Variants in FLYWCH2 observed in about 807,000 individuals in gnomAD.
The protein encoded by FLYWCH2 is FLYWCH family member 2.
A neutral mutation model predicts 6.0 loss-of-function variants in FLYWCH2; 2 were observed. The observed-to-expected ratio is 0.33, with a 90% confidence interval of 0.14 to 1.04. The LOEUF (loss-of-function observed/expected upper bound fraction) is 1.04, where lower values mean the gene tolerates loss of function less well. Among genes scored for constraint, FLYWCH2 ranks in the 50% least tolerant of loss-of-function variants. The probability of loss-of-function intolerance (pLI) is 0.45; values close to 1 mark genes in which losing one functional copy is unlikely to be tolerated. For missense variants in FLYWCH2, 192 were observed against 183.4 expected (o/e 1.05, Z -0.27); for synonymous variants, 87 against 79.3 (o/e 1.10, Z -0.52).
At chr16:2,883,517 G>A (rs1372063867) in intron 1 of FLYWCH2, among the ~76,000 whole-genome samples, 151 bp downstream of exon 1, 1 of 152,148 alleles carries the variant, frequency 6.6e-6, no homozygotes, top group African/African-American at 2.4e-5. Context: ...GGTCTCCCGC[G>A]ATTCCCTCTT....
chr16:2,884,559 A>T (rs1424425313), intron 1 of FLYWCH2, among the ~76,000 whole-genome samples: 1 of 36,830 alleles, frequency 2.7e-5, no homozygotes, highest in East Asian at 4.5e-4. Flanking sequence ...CGTCTCTACT[A>T]AAAAAAAAAA....
chr16:2,895,982 C>T (rs1395850242), intron 2 of FLYWCH2, among the ~76,000 whole-genome samples: 1 of 152,192 alleles, frequency 6.6e-6, no homozygotes, highest in African/African-American at 2.4e-5. Context: ...AGCCTGCTGT[C>T]ATAACAGGGG....
In FLYWCH2 at chr16:2,896,850, C is replaced by A. The variant is rs754522045; in HGVS notation, c.322+79C>A. ...CCACAGCCGCGCTGGCTCCATCAGGCGCTTCTCCCTGGCATGCGGGTCCTT... is the reference window on the plus strand; with the variant it reads ...CCACAGCCGCGCTGGCTCCATCAGGAGCTTCTCCCTGGCATGCGGGTCCTT... On this transcript the variant is annotated intron_variant, in intron 3 of 3. Transcript: ENST00000396958. 6 of 1,336,858 alleles carry A rather than the reference C, an allele frequency of 4.5e-6. No homozygotes were observed. In the Admixed American group the frequency reaches 7.0e-5, roughly 16 times the overall value. The allele number at this position is 1,336,858 out of a possible 1,614,324, so 82.8% of individuals were successfully genotyped here. A position where few individuals can be genotyped will look rare whatever the true frequency, so the allele number is the denominator to read the frequency against.
chr16:2,899,099 G>T lies in FLYWCH2; in HGVS notation c.373G>T (p.Ala125Ser). ...ATTAGCAGCGGGGCCTCCTGAGGCT[G>T]CTGGGGAGAACTTTGCCCCCTGCTC... ...SGLAAGPPEA[A>S]GENFAPCSVA... Residue 125 changes from alanine (A) to serine (S), a missense_variant, in exon 4 of 4, where the codon GCT becomes TCT. Ala to Ser is a moderately conservative substitution (Grantham distance 99, BLOSUM62 1). Transcript: ENST00000396958. The T allele has an allele frequency of 6.2e-7, 1 of 1,613,766 alleles. No individual in the cohort carries two copies. The highest frequency in any genetic ancestry group is 8.5e-7 in the Non-Finnish European group (1 of 1,179,882).
intron 1 of FLYWCH2, among the ~76,000 whole-genome samples, chr16:2,886,285 G>A (rs1419410310): frequency 6.6e-6 from 1 of 151,978 alleles, no homozygotes; most frequent in Non-Finnish European, 1.5e-5. Flanking sequence ...CCACCTCCCG[G>A]GTTCAAGCAA....
chr16:2,889,984 C>T (rs752921359), intron 1 of FLYWCH2, among the ~76,000 whole-genome samples: 10 of 152,078 alleles, frequency 6.6e-5, no homozygotes, highest in Non-Finnish European at 1.5e-4. Context: ...ACTTGGGAAG[C>T]TGAGGTGGGA....
chr16:2,884,563 A>AAAAAAAAAAAAAAC (rs2069675616), intron 1 of FLYWCH2, among the ~76,000 whole-genome samples: 1 of 141,800 alleles, frequency 7.1e-6, no homozygotes, highest in Admixed American at 7.1e-5. Flanking sequence ...TCTACTAAAA[A>AAAAAAAAAAAAAAC]AAAAAAAAAA....
At chr16:2,886,313 C>G (rs1158812258) in intron 1 of FLYWCH2, among the ~76,000 whole-genome samples, 1 of 152,070 alleles carries the variant, frequency 6.6e-6, no homozygotes, top group Admixed American at 6.6e-5. Flanking sequence ...GCTGCGCAGC[C>G]TCCTGAGTAG....
chr16:2,890,858 C>T (rs2335465), intron 1 of FLYWCH2, among the ~76,000 whole-genome samples: 5,198 of 152,266 alleles, frequency 0.034, 138 homozygotes, highest in Non-Finnish European at 0.057. Context: ...TCAGCCACCT[C>T]GCCCAGCCCA....
At chr16:2,884,941 CAT>C (rs903599428) in intron 1 of FLYWCH2, among the ~76,000 whole-genome samples, 23 of 152,050 alleles carry the variant, frequency 1.5e-4, no homozygotes, top group African/African-American at 5.5e-4. Context: ...AACTGCTGTT[CAT>C]ATGTTCATAG....
chr16:2,894,287 C>G (rs2069792342), intron 1 of FLYWCH2, among the ~76,000 whole-genome samples: 1 of 152,134 alleles, frequency 6.6e-6, no homozygotes, highest in South Asian at 2.1e-4. Context: ...TCTGGGAGCG[C>G]TGCAGTGGCA....
chr16:2,884,572 AAAAAAT>A (rs1567301740), intron 1 of FLYWCH2, among the ~76,000 whole-genome samples: 3 of 146,138 alleles, frequency 2.1e-5, no homozygotes, highest in African/African-American at 5.1e-5. Flanking sequence ...AAAAAAAAAA[AAAAAAT>A]ACAAAAATTA....
At chr16:2,895,670 G>A (rs28715439) in intron 2 of FLYWCH2, among the ~76,000 whole-genome samples, 65,974 of 152,132 alleles carry the variant, frequency 0.43, 14,538 homozygotes, top group African/African-American at 0.45. Context: ...GCCTTCAGAC[G>A]GGGATGTGGC....
At chr16:2,893,117 C>T (rs1347066957) in intron 1 of FLYWCH2, among the ~76,000 whole-genome samples, 3 of 151,894 alleles carry the variant, frequency 2.0e-5, no homozygotes, top group Non-Finnish European at 2.9e-5. Flanking sequence ...TCCAAGGACT[C>T]CATGTGTTCC....
intron 1 of FLYWCH2, among the ~76,000 whole-genome samples, chr16:2,885,852 T>A (rs1336522358): frequency 6.6e-6 from 1 of 152,190 alleles, no homozygotes; most frequent in Non-Finnish European, 1.5e-5. Flanking sequence ...TAGCTAGTAG[T>A]GGAATTGCTG....
chr16:2,897,097 C>T (rs972936540), intron 3 of FLYWCH2, among the ~76,000 whole-genome samples: 10 of 152,224 alleles, frequency 6.6e-5, no homozygotes, highest in African/African-American at 2.4e-4. Flanking sequence ...TGGCTCGCAG[C>T]TGTTCGATGA....
chr16:2,887,635 A>G (rs1321122793), intron 1 of FLYWCH2, among the ~76,000 whole-genome samples: 1 of 151,472 alleles, frequency 6.6e-6, no homozygotes, highest in East Asian at 1.9e-4. Flanking sequence ...CAGCAGCACA[A>G]TCACAGCTTA....
At chr16:2,889,659 A>T (rs2069734630) in intron 1 of FLYWCH2, among the ~76,000 whole-genome samples, 2 of 152,052 alleles carry the variant, frequency 1.3e-5, no homozygotes, top group South Asian at 4.1e-4. Context: ...ACTTACCTTT[A>T]AAAAAAACTT....
At chr16:2,883,641 C>T (rs1034474559) in intron 1 of FLYWCH2, among the ~76,000 whole-genome samples, 3 of 152,192 alleles carry the variant, frequency 2.0e-5, no homozygotes, top group Admixed American at 2.0e-4. Flanking sequence ...CCGCCGCGCC[C>T]AGCGCTGCCT....
Sources: allele counts gnomAD v4.1 joint callset (sites outside exome capture counted in the v4.1 genomes callset), GRCh38; gene constraint gnomAD v4.1.1; transcripts MANE v1.5; gene names NCBI Gene and HGNC (gene_info 2026-07-23, HGNC 2026-07-21).